ZMAT4: variants seen among roughly 807,000 people sequenced by gnomAD.
ZMAT4 encodes zinc finger matrin-type 4.
A neutral mutation model predicts 28.7 loss-of-function variants in ZMAT4; 17 were observed. The observed-to-expected ratio is 0.59, with a 90% CI of 0.41 to 0.89. The LOEUF is 0.89. Ranked by LOEUF, ZMAT4 falls within the 40% of genes least tolerant of loss-of-function variation. The pLI, the probability that ZMAT4 is intolerant of heterozygous loss-of-function variation, is 0.00. For synonymous variants in ZMAT4, 117 were observed against 109.2 expected, an observed-to-expected ratio of 1.07 and a Z score of -0.44; for missense variants, 240 against 283.8, an observed-to-expected ratio of 0.85 and a Z score of 1.11.
chr8:40,772,326 T>C (rs1813419379), intron 2 of ZMAT4, among the ~76,000 whole-genome samples: 1 of 152,200 alleles, frequency 6.6e-6, no homozygotes, highest in Admixed American at 6.5e-5. Context: ...TAGTCTAAAA[T>C]GGAAATTCAG....
At chr8:40,602,644 A>G (rs1403997992) in intron 5 of ZMAT4, among the ~76,000 whole-genome samples, 3 of 151,946 alleles carry the variant, frequency 2.0e-5, no homozygotes, top group African/African-American at 7.3e-5. Context: ...CATTTTTCAT[A>G]TGTTTTTTGG....
intron 5 of ZMAT4, among the ~76,000 whole-genome samples, chr8:40,629,910 A>G (rs993390441): frequency 5.3e-5 from 8 of 152,166 alleles, no homozygotes; most frequent in African/African-American, 1.4e-4. Context: ...ATAATCCTTT[A>G]GGTATATATC....
intron 5 of ZMAT4, among the ~76,000 whole-genome samples, chr8:40,615,164 T>G (rs994727925): frequency 1.3e-5 from 2 of 152,118 alleles, no homozygotes; most frequent in African/African-American, 4.8e-5. Flanking sequence ...GTAAAGTATT[T>G]TATTTCTCCT....
intron 5 of ZMAT4, among the ~76,000 whole-genome samples, chr8:40,633,959 C>T (rs1479620454): frequency 1.3e-5 from 2 of 152,178 alleles, no homozygotes; most frequent in Non-Finnish European, 2.9e-5. Flanking sequence ...AACCAGGCAG[C>T]TGAGTGACAT....
At chr8:40,762,044 G>A (rs1812963013) in intron 3 of ZMAT4, among the ~76,000 whole-genome samples, 2 of 152,180 alleles carry the variant, frequency 1.3e-5, no homozygotes, top group South Asian at 4.1e-4. Flanking sequence ...GCACTTGTTG[G>A]TAAACGCATC....
chr8:40,888,341 C>T (rs1818545385), intron 1 of ZMAT4, among the ~76,000 whole-genome samples: 2 of 152,218 alleles, frequency 1.3e-5, no homozygotes, highest in African/African-American at 2.4e-5. Context: ...TTCCAAGTAT[C>T]GATTTCCCCC....
intron 5 of ZMAT4, among the ~76,000 whole-genome samples, chr8:40,584,466 A>G (rs1031744377): frequency 5.9e-5 from 9 of 152,154 alleles, no homozygotes; most frequent in Admixed American, 5.9e-4. Flanking sequence ...TCTATCATGG[A>G]TGTATTAATT....
intron 4 of ZMAT4, among the ~76,000 whole-genome samples, chr8:40,676,980 C>T (rs1429923001): frequency 2.0e-5 from 3 of 152,160 alleles, no homozygotes; most frequent in African/African-American, 7.2e-5. Flanking sequence ...CAAAGCTTCC[C>T]AAATCCTTAT....
At chr8:40,772,680 A>C (rs1813430184) in intron 2 of ZMAT4, among the ~76,000 whole-genome samples, 1 of 152,220 alleles carries the variant, frequency 6.6e-6, no homozygotes, top group Non-Finnish European at 1.5e-5. Flanking sequence ...ATAAGCTTTA[A>C]GATCCATTTC....
At chr8:40,873,429 G>T (rs1373727454) in intron 1 of ZMAT4, among the ~76,000 whole-genome samples, 1 of 152,136 alleles carries the variant, frequency 6.6e-6, no homozygotes, top group African/African-American at 2.4e-5. Context: ...TTCTGTGATG[G>T]CCCCACTCAG....
At chr8:40,621,937 T>G (rs1806216086) in intron 5 of ZMAT4, among the ~76,000 whole-genome samples, 1 of 152,168 alleles carries the variant, frequency 6.6e-6, no homozygotes, top group Non-Finnish European at 1.5e-5. Flanking sequence ...AGTTATGGGG[T>G]GATGGAATTT....
intron 2 of ZMAT4, among the ~76,000 whole-genome samples, chr8:40,817,974 GTCTGACTC>G (rs1273580883): frequency 3.3e-5 from 5 of 152,202 alleles, no homozygotes; most frequent in Non-Finnish European, 5.9e-5. Flanking sequence ...ATGGGATATG[GTCTGACTC>G]CTAAAATCCA....
At chr8:40,784,736 C>A (rs1293140659) in intron 2 of ZMAT4, among the ~76,000 whole-genome samples, 1 of 152,158 alleles carries the variant, frequency 6.6e-6, no homozygotes, top group Non-Finnish European at 1.5e-5. Context: ...AGAATCATTA[C>A]CCCTGCTCCC....
chr8:40,732,416 G>T (rs1585958853), intron 3 of ZMAT4, among the ~76,000 whole-genome samples: 1 of 152,258 alleles, frequency 6.6e-6, no homozygotes, highest in South Asian at 2.1e-4. Flanking sequence ...GCACAATGAG[G>T]TGCCAGGGCC....
At chr8:40,630,275 A>G (rs1208941702) in intron 5 of ZMAT4, among the ~76,000 whole-genome samples, 2 of 152,208 alleles carry the variant, frequency 1.3e-5, no homozygotes, top group Non-Finnish European at 2.9e-5. Flanking sequence ...TCTCCTGCCT[A>G]TAGACGTGTC....
intron 3 of ZMAT4, among the ~76,000 whole-genome samples, chr8:40,754,750 G>A (rs1282394292): frequency 6.6e-6 from 1 of 152,148 alleles, no homozygotes; most frequent in East Asian, 1.9e-4. Flanking sequence ...GCTGACTGTT[G>A]CCTGTAATCC....
intron 1 of ZMAT4, among the ~76,000 whole-genome samples, chr8:40,845,601 G>T (rs986948245): frequency 1.3e-5 from 2 of 151,750 alleles, no homozygotes; most frequent in Admixed American, 6.6e-5. Context: ...CTACAGGCAA[G>T]ACAGGGGCTT....
At chr8:40,686,953 G>A (rs1251338782) in intron 4 of ZMAT4, among the ~76,000 whole-genome samples, 2 of 152,062 alleles carry the variant, frequency 1.3e-5, no homozygotes, top group Admixed American at 6.6e-5. Flanking sequence ...ACATTGCTGG[G>A]CTGTGAAGAA....
intron 5 of ZMAT4, among the ~76,000 whole-genome samples, chr8:40,672,688 A>T (rs572048084): frequency 3.1e-4 from 47 of 152,326 alleles, no homozygotes; most frequent in African/African-American, 1.1e-3. Context: ...AGTCATAATA[A>T]CTGGCACCAA....
Sources: allele counts gnomAD v4.1 joint callset (sites outside exome capture counted in the v4.1 genomes callset), GRCh38; gene constraint gnomAD v4.1.1; transcripts MANE v1.5; gene names NCBI Gene and HGNC (gene_info 2026-07-23, HGNC 2026-07-21).